The following SYNJ1 variants were observed in gnomAD, a reference collection of about 807,000 sequenced individuals.
SYNJ1 encodes synaptojanin 1, also known as polyphosphatidylinositol phosphatase SYNJ1.
SYNJ1 carries 78 observed loss-of-function variants against 168.2 expected under a neutral mutation model. The observed-to-expected ratio is 0.46, with a 90% CI of 0.39 to 0.56. The LOEUF (loss-of-function observed/expected upper bound fraction) is 0.56, where lower values mean the gene tolerates loss of function less well. Ranked by LOEUF, SYNJ1 falls within the 20% of genes least tolerant of loss-of-function variation. SYNJ1 has a pLI of 0.00. For missense variants in SYNJ1, 1,303 were observed against 1,597.6 expected (o/e 0.82, Z 3.14); for synonymous variants, 539 against 548.6 (o/e 0.98, Z 0.24).
chr21:32,654,323 GA>G (rs1488838592), intron 21 of SYNJ1, among the ~76,000 whole-genome samples: 3 of 152,124 alleles, frequency 2.0e-5, no homozygotes, highest in Non-Finnish European at 4.4e-5. Flanking sequence ...GGCCTGGAGG[GA>G]ACCGATTTCT....
At chr21:32,710,048 CA>C (rs1289316746) in intron 2 of SYNJ1, among the ~76,000 whole-genome samples, 1 of 151,492 alleles carries the variant, frequency 6.6e-6, no homozygotes, top group Non-Finnish European at 1.5e-5. Context: ...ACAAAAAATA[CA>C]AAAATTAGCC....
intron 16 of SYNJ1, 120 bp downstream of exon 16, chr21:32,666,313 T>C: frequency 6.7e-7 from 1 of 1,490,296 alleles, no homozygotes; most frequent in Admixed American, 2.3e-5. Flanking sequence ...CAAAACCCCA[T>C]TTTAAAACAA....
At chr21:32,714,030 T>C (rs1466149462) in intron 2 of SYNJ1, among the ~76,000 whole-genome samples, 1 of 152,216 alleles carries the variant, frequency 6.6e-6, no homozygotes, top group Non-Finnish European at 1.5e-5. Flanking sequence ...AATAAGGGTA[T>C]GTTCATTCTA....
intron 17 of SYNJ1, 119 bp from the exon 18 acceptor site, chr21:32,665,190 C>T: frequency 9.6e-7 from 1 of 1,040,052 alleles, no homozygotes; most frequent in East Asian, 2.7e-5. Context: ...TTTGACCCAA[C>T]AGTAATAACA....
At position 32,695,850 on chromosome 21, in the gene SYNJ1, T is replaced by C. The variant is rs190308580; in HGVS notation, c.480-568A>G. On this transcript the variant is annotated intron_variant, in intron 4 of 32. Transcript: ENST00000674351. Reference sequence around the variant, plus strand: ...GCTAATTTTTTGTTTTGTTTTGTTTTTTTTTTTCTTTTTTGAGACGGAGTC... The same window carrying C: ...GCTAATTTTTTGTTTTGTTTTGTTTCTTTTTTTCTTTTTTGAGACGGAGTC... 6.5e-3 allele frequency among the ~76,000 whole-genome samples: 970 copies of C among 150,250 alleles called. 37 individuals are homozygous for C. The East Asian group carries it at 0.072, about 11-fold the overall frequency.
intron 19 of SYNJ1, among the ~76,000 whole-genome samples, 183 bp from the exon 20 acceptor site, chr21:32,657,303 C>A (rs1242169501): frequency 1.3e-5 from 2 of 152,202 alleles, no homozygotes; most frequent in African/African-American, 4.8e-5. Flanking sequence ...GTAAAGTTAT[C>A]ATTTTATGCT....
chr21:32,709,856 C>T (rs1371657708), intron 2 of SYNJ1, among the ~76,000 whole-genome samples: 3 of 151,972 alleles, frequency 2.0e-5, no homozygotes, highest in Non-Finnish European at 4.4e-5. Flanking sequence ...TTATGTTATG[C>T]TTAAAGAGTA....
intron 3 of SYNJ1, among the ~76,000 whole-genome samples, 172 bp downstream of exon 3, chr21:32,701,789 T>C (rs570105914): frequency 1.3e-5 from 2 of 152,270 alleles, no homozygotes; most frequent in South Asian, 2.1e-4. Flanking sequence ...GCACGCCTTT[T>C]TGGGCAACAA....
chr21:32,693,582 AC>A, intron 6 of SYNJ1, among the ~76,000 whole-genome samples: 1 of 152,182 alleles, frequency 6.6e-6, no homozygotes, highest in Non-Finnish European at 1.5e-5. Flanking sequence ...GACTATACAT[AC>A]CCAGATCCTA....
At chr21:32,647,115 C>T (rs2040105539) in intron 23 of SYNJ1, among the ~76,000 whole-genome samples, 1 of 152,228 alleles carries the variant, frequency 6.6e-6, no homozygotes, top group African/African-American at 2.4e-5. Context: ...AGGGTCTCCT[C>T]ATCTCCACTT....
Position 32,656,865 on chromosome 21 carries a change from C to T in SYNJ1, c.2617G>A (p.Val873Ile). 6 of 1,614,154 alleles carry T rather than the reference C, an allele frequency of 3.7e-6. No homozygotes were observed. The highest frequency in any genetic ancestry group is 5.1e-6 in the Non-Finnish European group (6 of 1,180,024). Residue 873 changes from valine (V) to isoleucine (I), a missense_variant, in exon 21 of 33, where the codon GTT becomes ATT. Val to Ile is a conservative substitution (Grantham distance 29, BLOSUM62 3). Coordinates refer to ENST00000674351, the MANE Select transcript of SYNJ1 (RefSeq NM_203446.3). The part of the protein sequence containing the change: ...VALIDIDIFE[V>I]EAEERQNIYK... Reference sequence around the variant, plus strand: ...ATGTTTTGCCTCTCTTCAGCTTCAACTTCAAATATATCTATATCAATCAGG... The same window carrying T: ...ATGTTTTGCCTCTCTTCAGCTTCAATTTCAAATATATCTATATCAATCAGG...
intron 2 of SYNJ1, among the ~76,000 whole-genome samples, chr21:32,726,092 G>T (rs566837040): frequency 6.6e-6 from 1 of 152,094 alleles, no homozygotes; most frequent in African/African-American, 2.4e-5. Context: ...AGCCCCCCTT[G>T]GCCTCCCAAA....
At chr21:32,679,470 A>C (rs1295583778) in intron 11 of SYNJ1, among the ~76,000 whole-genome samples, 5 of 152,156 alleles carry the variant, frequency 3.3e-5, no homozygotes, top group Non-Finnish European at 5.9e-5. Flanking sequence ...TTTGATTATA[A>C]CTTTTAATGA....
rs918567614 is a variant in SYNJ1, at chr21:32,659,242, G to C, written c.2305-1370C>G. Among the ~76,000 whole-genome samples the C allele has an allele frequency of 3.7e-4, 56 of 151,350 alleles. 2 individuals are homozygous for C. Among genetic ancestry groups the C allele is most frequent in the Non-Finnish European group, 1.0e-4 (7 of 67,914 alleles). On this transcript the variant is annotated intron_variant, in intron 18 of 32. Coordinates refer to ENST00000674351, the MANE Select transcript of SYNJ1 (RefSeq NM_203446.3). ...AAAAAAAAACAGCCCTAAAGATGAA[G>C]ATTCTAAACTATCACCAAGGAAAAA...
Position 32,717,025 on chromosome 21 carries a change from T to C in SYNJ1, c.124+9747A>G, listed in dbSNP as rs1320969157. On this transcript the variant is annotated intron_variant, in intron 2 of 32. Transcript: ENST00000674351. ...CCCAGACTGGAATGCAATGGCATGC[T>C]CTTGGCTCACTGCAACCTCCAACTC... is the stretch of plus-strand genomic sequence containing the variant. Among the ~76,000 whole-genome samples, 3 of 152,056 alleles carry C rather than the reference T, an allele frequency of 2.0e-5. No homozygotes were observed. The East Asian group carries it at 5.8e-4, about 29-fold the overall frequency.
Position 32,699,946 on chromosome 21 carries a change from T to C in SYNJ1, c.371A>G (p.Asn124Ser). ...CCATGCAAAATAAAAGTTTCCTGAA[T>C]TCAAAACTTTCCGCACTTCTGAAAT... ...DRISEVRKVL[N>S]SGNFYFAWSA... Residue 124 changes from asparagine (N) to serine (S), a missense_variant, in exon 4 of 33, where the codon AAT (asparagine) becomes AGT (serine). Transcript: ENST00000674351. 1.9e-6 allele frequency: 3 copies of C among 1,614,206 alleles called. No individual in the cohort carries two copies. Among genetic ancestry groups the C allele is most frequent in the Non-Finnish European group, 2.5e-6 (3 of 1,180,034 alleles).
intron 23 of SYNJ1, among the ~76,000 whole-genome samples, chr21:32,649,317 T>C (rs1183844049): frequency 6.6e-6 from 1 of 152,218 alleles, no homozygotes; most frequent in Non-Finnish European, 1.5e-5. Flanking sequence ...TGAGATAACC[T>C]TGTAAGACGT....
chr21:32,716,124 T>C (rs981186106), intron 2 of SYNJ1, among the ~76,000 whole-genome samples: 1 of 152,214 alleles, frequency 6.6e-6, no homozygotes, highest in Non-Finnish European at 1.5e-5. Context: ...CAAATTTTAA[T>C]TGTCACCAGT....
chr21:32,699,130 T>C (rs894688168), intron 4 of SYNJ1, among the ~76,000 whole-genome samples: 3 of 152,060 alleles, frequency 2.0e-5, no homozygotes, highest in Non-Finnish European at 4.4e-5. Context: ...TATCCCTTGT[T>C]ATCTCTAGAC....
Sources: allele counts gnomAD v4.1 joint callset (sites outside exome capture counted in the v4.1 genomes callset), GRCh38; gene constraint gnomAD v4.1.1; transcripts MANE v1.5; gene names NCBI Gene and HGNC (gene_info 2026-07-23, HGNC 2026-07-21).